ASB18: variants seen among roughly 807,000 people sequenced by gnomAD.
The protein encoded by ASB18 is ankyrin repeat and SOCS box containing 18, also known as ankyrin repeat and SOCS box protein 18.
Under a neutral mutation model 33.4 loss-of-function variants are expected in ASB18, and 33 were observed. The observed-to-expected ratio is 0.99, with a 90% CI of 0.75 to 1.32. ASB18 has a LOEUF of 1.32. Among genes scored for constraint, ASB18 ranks in the 40% most tolerant of loss-of-function variants. ASB18 has a pLI of 0.00. For synonymous variants in ASB18, 295 were observed against 307.6 expected (o/e 0.96, Z 0.43); for missense variants, 694 against 655.5 (o/e 1.06, Z -0.64).
rs1019664177 is a variant in ASB18, at chr2:236,250,427, G to A, written c.206-9025C>T. The A allele has an allele frequency of 2.0e-5, 3 of 152,236 alleles. No homozygotes were observed. Among genetic ancestry groups the A allele is most frequent in the South Asian group, 2.1e-4 (1 of 4,834 alleles). The allele number at this position is 152,236 out of a possible 1,614,324, so 9.4% of individuals were successfully genotyped here. A position where few individuals can be genotyped will look rare whatever the true frequency, so the allele number is the denominator to read the frequency against. On this transcript the variant is annotated intron_variant, in intron 1 of 5. Transcript: ENST00000409749. This position sits in a 1 kb window ranked among gnomAD's most constrained non-coding sequence, Gnocchi z 4.1. ...ATTGGCAAATGTCTGGCTTCCTTCTGGAAGTGTCCAAGTGGACAGACAGGG... is the reference window on the plus strand; with the variant it reads ...ATTGGCAAATGTCTGGCTTCCTTCTAGAAGTGTCCAAGTGGACAGACAGGG...
Position 236,251,898 on chromosome 2 carries a change from C to T in ASB18, c.206-10496G>A, listed in dbSNP as rs1298737754. On this transcript the variant is annotated intron_variant, in intron 1 of 5. Coordinates refer to ENST00000409749, the MANE Select transcript of ASB18 (RefSeq NM_212556.4). This position sits in a 1 kb window ranked among gnomAD's most constrained non-coding sequence, Gnocchi z 5.3. Reference sequence around the variant, plus strand: ...AGTTTGCAGGTGGGAGGGTAAATTGCTGTTCAGTTTGGAAATGTTCTATAC... The same window carrying T: ...AGTTTGCAGGTGGGAGGGTAAATTGTTGTTCAGTTTGGAAATGTTCTATAC... Among the ~76,000 whole-genome samples the T allele has an allele frequency of 6.6e-6, 1 of 152,104 alleles. No individual in the cohort carries two copies. The highest frequency in any genetic ancestry group is 1.5e-5 in the Non-Finnish European group (1 of 68,026).
chr2:236,241,348 A>T lies in ASB18; in HGVS notation c.260T>A (p.Val87Glu). The T allele has an allele frequency of 6.2e-7, 1 of 1,613,884 alleles. No homozygotes were observed. Among genetic ancestry groups the T allele is most frequent in the Non-Finnish European group, 8.5e-7 (1 of 1,179,826 alleles). ...CTCATCCTTATTGATCTCAAACACC[A>T]CGTTGGCATCCTGGAAGAACTGGTC... Reference protein sequence around the residue: ...LMDQFFQDANVVFEINKDEME... With the variant: ...LMDQFFQDANEVFEINKDEME... Residue 87 changes from valine (V) to glutamate (E), a missense_variant, in exon 2 of 6, where the codon GTG (valine) becomes GAG (glutamate). Coordinates refer to ENST00000409749, the MANE Select transcript of ASB18 (RefSeq NM_212556.4). The surrounding 1 kb of genome is among the most constrained non-coding windows in gnomAD (Gnocchi z 4.2).
Position 236,214,548 on chromosome 2 carries a change from G to T in ASB18, c.915C>A (p.Ser305Arg). The T allele has an allele frequency of 7.1e-7, 1 of 1,403,148 alleles. No homozygotes were observed. Among genetic ancestry groups the T allele is most frequent in the South Asian group, 1.6e-5 (1 of 64,038 alleles). The allele number at this position is 1,403,148 out of a possible 1,614,324, so 86.9% of individuals were successfully genotyped here. A position where few individuals can be genotyped will look rare whatever the true frequency, so the allele number is the denominator to read the frequency against. Reference sequence around the variant, plus strand: ...GCAGTAGGAGGCGCGCCAGGCTGTGGCTCGCGTGGCCGCAGGCTTTGTGCA... The same window carrying T: ...GCAGTAGGAGGCGCGCCAGGCTGTGTCTCGCGTGGCCGCAGGCTTTGTGCA... ...SPLHKACGHA[S>R]HSLARLLLRH... Residue 305 changes from serine (S) to arginine (R), a missense_variant, in exon 4 of 6, where the codon AGC becomes AGA. Transcript: ENST00000409749. The surrounding 1 kb of genome is among the most constrained non-coding windows in gnomAD (Gnocchi z 6.5).
chr2:236,232,272 A>G (rs1443908102), intron 3 of ASB18, among the ~76,000 whole-genome samples: 3 of 148,542 alleles, frequency 2.0e-5, no homozygotes, highest in Non-Finnish European at 4.5e-5. Context: ...AAAAAAAAAA[A>G]AAGAAAATTA....
rs758530570 is a variant in ASB18 at position 236,226,916 on chromosome 2, C to T, written c.596+10773G>A. On this transcript the variant is annotated intron_variant, in intron 3 of 5. Transcript: ENST00000409749. This position sits in a 1 kb window ranked among gnomAD's most constrained non-coding sequence, Gnocchi z 4.8. ...TTTCTGAATACGCTTCACCCAGCTT[C>T]CCCTAAAGTTAATATCTAATATTAT... is the stretch of plus-strand genomic sequence containing the variant. Among the ~76,000 whole-genome samples, 9 of 152,108 alleles carry T rather than the reference C, an allele frequency of 5.9e-5. No individual in the cohort carries two copies. Among genetic ancestry groups the T allele is most frequent in the Non-Finnish European group, 1.3e-4 (9 of 68,022 alleles).
At chr2:236,218,354 C>T (rs1365265862) in intron 3 of ASB18, among the ~76,000 whole-genome samples, 2 of 152,096 alleles carry the variant, frequency 1.3e-5, no homozygotes, top group East Asian at 1.9e-4. Context: ...TGCTGGTACA[C>T]GGTGGCAGTC....
rs2060639049 is a variant in ASB18, at chr2:236,245,158, T to C, written c.206-3756A>G. ...GGGGCCGTAGGTTTATTTTTTACCA[T>C]GTTTATCTGACCTCTGGGCAAAGGC... On this transcript the variant is annotated intron_variant, in intron 1 of 5. Transcript: ENST00000409749. The surrounding 1 kb of genome is among the most constrained non-coding windows in gnomAD (Gnocchi z 4.7). Among the ~76,000 whole-genome samples the C allele has an allele frequency of 1.3e-5, 2 of 152,144 alleles. No individual in the cohort carries two copies. The highest frequency in any genetic ancestry group is 4.8e-5 in the African/African-American group (2 of 41,440).
chr2:236,201,414 A>G (rs537110117), intron 4 of ASB18, among the ~76,000 whole-genome samples: 58 of 152,248 alleles, frequency 3.8e-4, no homozygotes, highest in African/African-American at 1.2e-3. Context: ...GCAGTCTCCC[A>G]AAGCGCTGGG....
At chr2:236,236,857 T>G (rs2106278081) in intron 3 of ASB18, among the ~76,000 whole-genome samples, 1 of 152,288 alleles carries the variant, frequency 6.6e-6, no homozygotes, top group East Asian at 1.9e-4. Flanking sequence ...CAGAAGGCCA[T>G]GCAATGACAA....
In ASB18 at chr2:236,213,031, T is replaced by C. The variant is rs746234012; in HGVS notation, c.1101+1331A>G. 2.6e-5 allele frequency among the ~76,000 whole-genome samples: 4 copies of C among 152,210 alleles called. No individual in the cohort carries two copies. The highest frequency in any genetic ancestry group is 5.9e-5 in the Non-Finnish European group (4 of 68,034). On this transcript the variant is annotated intron_variant, in intron 4 of 5. Coordinates refer to ENST00000409749, the MANE Select transcript of ASB18 (RefSeq NM_212556.4). This position sits in a 1 kb window ranked among gnomAD's most constrained non-coding sequence, Gnocchi z 4.8. ...GGAAGGGCAGTGAGTCTTGTTTCCA[T>C]GTTATAAGTTGATGAACTAAGCCTG...
chr2:236,214,170 A>G lies in ASB18; in HGVS notation c.1101+192T>C. ...GGTCCCAGGAACAGCAGTCTAGGCC[A>G]CACCCGGGAGCTTGTTGGCAATGCA... On this transcript the variant is annotated intron_variant, in intron 4 of 5. Coordinates refer to ENST00000409749, the MANE Select transcript of ASB18 (RefSeq NM_212556.4). This position sits in a 1 kb window ranked among gnomAD's most constrained non-coding sequence, Gnocchi z 6.5. 1.6e-6 allele frequency: 1 copy of G among 614,654 alleles called. No individual in the cohort carries two copies. Among genetic ancestry groups the G allele is most frequent in the Non-Finnish European group, 2.7e-6 (1 of 364,362 alleles). 38.1% of individuals were successfully genotyped at this position (614,654 alleles called of 1,614,324 possible). A position where few individuals can be genotyped will look rare whatever the true frequency, so the allele number is the denominator to read the frequency against.
rs574423455 is a variant in ASB18, at chr2:236,218,797, C to CAAAAA, written c.597-3936_597-3932dup. ...TGAGTGACAGAATGAGACTCCATCTCAAAAAAAAAAAAAAAAAAAGAAAAA... is the reference window on the plus strand; with the variant it reads ...TGAGTGACAGAATGAGACTCCATCTCAAAAAAAAAAAAAAAAAAAAAAAAGAAAAA... On this transcript the variant is annotated intron_variant, in intron 3 of 5. Transcript: ENST00000409749. Among the ~76,000 whole-genome samples the CAAAAA allele has an allele frequency of 1.3e-3, 118 of 91,594 alleles. 2 individuals are homozygous for CAAAAA. Among genetic ancestry groups the CAAAAA allele is most frequent in the Non-Finnish European group, 1.3e-3 (52 of 41,370 alleles). The allele number at this position is 91,594 out of a possible 152,430, so 60.1% of individuals were successfully genotyped here.
Position 236,229,428 on chromosome 2 carries a change from G to C in ASB18, c.596+8261C>G, listed in dbSNP as rs1301719934. On this transcript the variant is annotated intron_variant, in intron 3 of 5. Transcript: ENST00000409749. This position sits in a 1 kb window ranked among gnomAD's most constrained non-coding sequence, Gnocchi z 5.2. ...ATGTATAATTGGAGTCCCTGAAGGA[G>C]AGTACTGGTTGTATAGAAAAAAAAT... Among the ~76,000 whole-genome samples the C allele has an allele frequency of 6.6e-6, 1 of 152,074 alleles. No individual in the cohort carries two copies.
chr2:236,194,236 T>C lies in ASB18; in HGVS notation c.*636A>G, dbSNP rs2060360682. Reference sequence around the variant, plus strand: ...ACTTCGTGGTGGTAGGAGGTGCTCCTGACAAGGTTCGTTTTGCAAACATTT... The same window carrying C: ...ACTTCGTGGTGGTAGGAGGTGCTCCCGACAAGGTTCGTTTTGCAAACATTT... On this transcript the variant is annotated 3_prime_UTR_variant, in exon 6 of 6. Transcript: ENST00000409749. The surrounding 1 kb of genome is among the most constrained non-coding windows in gnomAD (Gnocchi z 4.5). Among the ~76,000 whole-genome samples the C allele has an allele frequency of 6.6e-6, 1 of 152,220 alleles. No individual in the cohort carries two copies. The highest frequency in any genetic ancestry group is 1.5e-5 in the Non-Finnish European group (1 of 68,034).
intron 1 of ASB18, among the ~76,000 whole-genome samples, chr2:236,242,150 C>T (rs755499201): frequency 1.5e-4 from 23 of 152,288 alleles, no homozygotes; most frequent in Non-Finnish European, 2.9e-4. Flanking sequence ...AGCATGGCCA[C>T]GGCCGCCTGG....
rs1182557435 is a variant in ASB18, at chr2:236,196,038, G to A, written c.1215+234C>T. The A allele has an allele frequency of 9.2e-6, 5 of 545,274 alleles. No homozygotes were observed. The highest frequency in any genetic ancestry group is 1.7e-5 in the Non-Finnish European group (5 of 295,542). The allele number at this position is 545,274 out of a possible 1,614,324, so 33.8% of individuals were successfully genotyped here. A position where few individuals can be genotyped will look rare whatever the true frequency, so the allele number is the denominator to read the frequency against. ...CCCTCGCGCTTTTCAGGCCAGCACG[G>A]GGCTCTGAGCTCCTTGAGGCCATGG... On this transcript the variant is annotated intron_variant, in intron 5 of 5. Coordinates refer to ENST00000409749, the MANE Select transcript of ASB18 (RefSeq NM_212556.4). This position sits in a 1 kb window ranked among gnomAD's most constrained non-coding sequence, Gnocchi z 5.6.
chr2:236,241,073 C>T lies in ASB18; in HGVS notation c.328+207G>A, dbSNP rs1331784128. 6.6e-6 allele frequency among the ~76,000 whole-genome samples: 1 copy of T among 152,182 alleles called. No homozygotes were observed. The highest frequency in any genetic ancestry group is 1.5e-5 in the Non-Finnish European group (1 of 68,034). The stretch of plus-strand genomic sequence containing the variant: ...TCATCGGATAGGCATTCCCACCAAT[C>T]GCTGCTTTGCCTTTCCAACTGGATC... On this transcript the variant is annotated intron_variant, in intron 2 of 5. Coordinates refer to ENST00000409749, the MANE Select transcript of ASB18 (RefSeq NM_212556.4). The surrounding 1 kb of genome is among the most constrained non-coding windows in gnomAD (Gnocchi z 4.2).
rs1447730320 is a variant in ASB18 at position 236,216,121 on chromosome 2, C to T, written c.597-1255G>A. ...AAGCCGGAGTCCATTCTTCACCCCC[C>T]TCCTTTTCTCTGCGGGTCTGCCGAG... On this transcript the variant is annotated intron_variant, in intron 3 of 5. Coordinates refer to ENST00000409749, the MANE Select transcript of ASB18 (RefSeq NM_212556.4). This position sits in a 1 kb window ranked among gnomAD's most constrained non-coding sequence, Gnocchi z 6.1. Among the ~76,000 whole-genome samples the T allele has an allele frequency of 6.6e-6, 1 of 152,216 alleles. No individual in the cohort carries two copies. The highest frequency in any genetic ancestry group is 1.5e-5 in the Non-Finnish European group (1 of 68,026).
rs1171621064 is a variant in ASB18 at position 236,237,387 on chromosome 2, GGGGGCC to G, written c.596+296_596+301del. Among the ~76,000 whole-genome samples the G allele has an allele frequency of 1.7e-4, 13 of 76,002 alleles. 1 individual carries two copies. The South Asian group carries it at 2.2e-3, about 13-fold the overall frequency. 49.9% of individuals were successfully genotyped at this position (76,002 alleles called of 152,430 possible). The stretch of plus-strand genomic sequence containing the variant: ...GGGGGCCGGGGCCGGGGCGCGGGGC[GGGGGCC>G]GGGGCCGGGGCGCGGGGCGGGGGCC... On this transcript the variant is annotated intron_variant, in intron 3 of 5. Transcript: ENST00000409749. This position sits in a 1 kb window ranked among gnomAD's most constrained non-coding sequence, Gnocchi z 6.2.
Sources: gnomAD v4.1 joint callset for allele counts (sites outside exome capture counted in the v4.1 genomes callset) on GRCh38, gnomAD v4.1.1 for gene constraint, Gnocchi (gnomAD v3.1) non-coding constraint, MANE v1.5 for transcripts, NCBI Gene and HGNC (gene_info 2026-07-23, HGNC 2026-07-21) for gene names.